Variants in CNKSR2 observed in about 807,000 individuals in gnomAD.
CNKSR2 encodes the protein CNK homolog protein 2.
CNKSR2 carries 14 observed loss-of-function variants against 84.4 expected under a neutral mutation model. The ratio of observed to expected loss-of-function variants is 0.17; its 90% CI spans 0.11 to 0.26. The LOEUF is 0.26. Among genes scored for constraint, CNKSR2 ranks in the 10% least tolerant of loss-of-function variants. The probability of loss-of-function intolerance (pLI) is 1.00; values close to 1 mark genes in which losing one functional copy is unlikely to be tolerated. For missense variants in CNKSR2, 485 were observed against 771.2 expected, an observed-to-expected ratio of 0.63 and a Z score of 4.40; for synonymous variants, 275 against 277.9, an observed-to-expected ratio of 0.99 and a Z score of 0.10.
chrX:21,487,536 G>A (rs1402269753), intron 5 of CNKSR2, among the ~76,000 whole-genome samples: 1 of 111,495 alleles, frequency 9.0e-6, no homozygotes, highest in Non-Finnish European at 1.9e-5. Flanking sequence ...TACTGACTTC[G>A]TACCCTTCAG....
chrX:21,570,953 A>G (rs1449523097), intron 13 of CNKSR2, among the ~76,000 whole-genome samples: 2 of 112,387 alleles, frequency 1.8e-5, no homozygotes, highest in African/African-American at 6.5e-5. Flanking sequence ...GCCCTGGATT[A>G]GGCTTTGGTG....
chrX:21,604,475 A>T (rs953656377), intron 18 of CNKSR2, among the ~76,000 whole-genome samples: 2 of 111,605 alleles, frequency 1.8e-5, no homozygotes, highest in Non-Finnish European at 3.8e-5. Flanking sequence ...TAAAAAATAT[A>T]TATATAAAAA....
intron 4 of CNKSR2, among the ~76,000 whole-genome samples, chrX:21,466,427 A>AC (rs1038573497): frequency 9.0e-5 from 10 of 111,268 alleles, no homozygotes; most frequent in Non-Finnish European, 1.3e-4. Flanking sequence ...TAATAAATAA[A>AC]CCCCCCCAAA....
At chrX:21,381,893 C>T (rs2089904064) in intron 1 of CNKSR2, among the ~76,000 whole-genome samples, 1 of 111,668 alleles carries the variant, frequency 9.0e-6, no homozygotes, top group East Asian at 2.8e-4. Context: ...TATATGCTGT[C>T]CTAGTACCAT....
chrX:21,450,561 A>G (rs1193811689), intron 4 of CNKSR2, among the ~76,000 whole-genome samples: 4 of 111,910 alleles, frequency 3.6e-5, no homozygotes, highest in Non-Finnish European at 5.6e-5. Context: ...TACCATCTCT[A>G]TTTTATGACA....
intron 17 of CNKSR2, among the ~76,000 whole-genome samples, chrX:21,599,886 T>C (rs1313264270): frequency 9.0e-6 from 1 of 111,591 alleles, no homozygotes; most frequent in African/African-American, 3.3e-5. Context: ...ATTAGAGTCA[T>C]TTTTAAAACA....
At chrX:21,623,222 T>C (rs1164137786) in intron 20 of CNKSR2, among the ~76,000 whole-genome samples, 2 of 111,734 alleles carry the variant, frequency 1.8e-5, no homozygotes, top group African/African-American at 6.5e-5. Flanking sequence ...TCTTTATAAA[T>C]AATAGCTTCA....
chrX:21,625,552 C>T (rs1471769103), intron 20 of CNKSR2, among the ~76,000 whole-genome samples: 1 of 111,908 alleles, frequency 8.9e-6, no homozygotes, highest in Admixed American at 9.5e-5. Flanking sequence ...CATCCTGAGT[C>T]TAAGATTTTG....
chrX:21,400,335 T>C (rs1337346122), intron 1 of CNKSR2, among the ~76,000 whole-genome samples: 1 of 110,695 alleles, frequency 9.0e-6, no homozygotes, highest in Non-Finnish European at 1.9e-5. Context: ...TAGAGTGCTT[T>C]GTCTTAATAT....
intron 5 of CNKSR2, among the ~76,000 whole-genome samples, chrX:21,482,051 C>T (rs1320430660): frequency 8.9e-6 from 1 of 111,799 alleles, no homozygotes; most frequent in East Asian, 2.8e-4. Flanking sequence ...TTCTTTAAGC[C>T]TCCAACCTTG....
chrX:21,400,242 C>T (rs924327422), intron 1 of CNKSR2, among the ~76,000 whole-genome samples: 2 of 109,145 alleles, frequency 1.8e-5, no homozygotes, highest in South Asian at 4.0e-4. Flanking sequence ...AAAAGATTAC[C>T]GAGAAAATGT....
rs554370828 is a variant in CNKSR2, at chrX:21,544,172, A to G, written c.1303+12105A>G. Among the ~76,000 whole-genome samples, 178 of 112,666 alleles carry G rather than the reference A, an allele frequency of 1.6e-3. 2 individuals carry two copies. In the South Asian group the frequency reaches 0.062, roughly 39 times the overall value. On this transcript the variant is annotated intron_variant, in intron 11 of 21. Transcript: ENST00000379510. ...ACATGTTTGGTCACTCTACCAAGCC[A>G]ATAGCTGGCCATTTAAATTATAGCA...
In CNKSR2 at chrX:21,606,829, A is replaced by C. The variant is rs757576213; in HGVS notation, c.2095A>C (p.Lys699Gln). 2 of 1,204,508 alleles carry C rather than the reference A, an allele frequency of 1.7e-6. No individual in the cohort carries two copies. The highest frequency in any genetic ancestry group is 2.2e-6 in the Non-Finnish European group (2 of 889,863). ...KEEADTPSTP[K>Q]QDSPPPPYDT... ...AGAAGCAGATACTCCATCAACACCA[A>C]AACAAGATAGCCCTCCACCCCCATA... The change falls in exon 19 of 22, where the codon AAA (lysine) becomes CAA (glutamine). Residue 699 changes from lysine (K) to glutamine (Q), a missense_variant. Physicochemically the swap from Lys to Gln is moderately conservative, Grantham distance 53. Coordinates refer to ENST00000379510, the MANE Select transcript of CNKSR2 (RefSeq NM_014927.5).
At chrX:21,626,613 T>C (rs987001955) in intron 20 of CNKSR2, among the ~76,000 whole-genome samples, 5 of 111,878 alleles carry the variant, frequency 4.5e-5, no homozygotes, top group African/African-American at 1.6e-4. Context: ...AGATAGAAAG[T>C]AGGTCTTGAA....
intron 9 of CNKSR2, among the ~76,000 whole-genome samples, chrX:21,519,637 T>A (rs1242251676): frequency 1.8e-5 from 2 of 111,314 alleles, no homozygotes. Context: ...AGGTTATTTC[T>A]TTTTTCATAG....
At chrX:21,575,327 T>A (rs1029889466) in intron 13 of CNKSR2, among the ~76,000 whole-genome samples, 1 of 111,147 alleles carries the variant, frequency 9.0e-6, no homozygotes, top group African/African-American at 3.3e-5. Context: ...TTTGGTTTTT[T>A]TATTAAAAAA....
chrX:21,399,512 GAGTT>G (rs1342081136), intron 1 of CNKSR2, among the ~76,000 whole-genome samples: 3 of 111,586 alleles, frequency 2.7e-5, no homozygotes, highest in Non-Finnish European at 5.7e-5. Context: ...ATTTGTATGT[GAGTT>G]AGTTTTTTAA....
In CNKSR2 at chrX:21,542,608, T is replaced by A. The variant is rs1338939956; in HGVS notation, c.1303+10541T>A. 3.6e-5 allele frequency among the ~76,000 whole-genome samples: 4 copies of A among 111,882 alleles called. No individual in the cohort carries two copies. The East Asian group carries it at 1.1e-3, about 31-fold the overall frequency. On this transcript the variant is annotated intron_variant, in intron 11 of 21. Transcript: ENST00000379510. Reference sequence around the variant, plus strand: ...GCTTGGCAACTTTTCAAAATGGTAATATTTCCCATCAGCTTTTCCATCTTG... The same window carrying A: ...GCTTGGCAACTTTTCAAAATGGTAAAATTTCCCATCAGCTTTTCCATCTTG...
chrX:21,596,596 A>T (rs1383855233), intron 17 of CNKSR2, among the ~76,000 whole-genome samples: 1 of 111,256 alleles, frequency 9.0e-6, no homozygotes, highest in Non-Finnish European at 1.9e-5. Flanking sequence ...GCTTGAACAT[A>T]CTAAATGAAC....
Sources: gnomAD v4.1 joint callset for allele counts (sites outside exome capture counted in the v4.1 genomes callset) on GRCh38, gnomAD v4.1.1 for gene constraint, MANE v1.5 for transcripts, NCBI Gene and HGNC (gene_info 2026-07-23, HGNC 2026-07-21) for gene names.